The following PRNP variants were observed in gnomAD, a reference collection of about 807,000 sequenced individuals.
The protein encoded by PRNP is major prion protein.
A neutral mutation model predicts 21.3 loss-of-function variants in PRNP; 15 were observed. That is an observed-to-expected ratio of 0.71 (90% confidence interval 0.47 to 1.09). The LOEUF (loss-of-function observed/expected upper bound fraction) is 1.09. PRNP is among the 50% of genes least tolerant of loss of function. The probability of loss-of-function intolerance (pLI) is 0.00; values close to 1 mark genes in which losing one functional copy is unlikely to be tolerated. For synonymous variants in PRNP, 121 were observed against 123.1 expected (o/e 0.98, Z 0.11); for missense variants, 285 against 340.9 (o/e 0.84, Z 1.29).
At chr20:4,689,141 T>C (rs980376420) in intron 1 of PRNP, among the ~76,000 whole-genome samples, 3 of 152,226 alleles carry the variant, frequency 2.0e-5, no homozygotes, top group Admixed American at 6.5e-5. Context: ...TTTTAAGGAC[T>C]CCTGAATATT....
intron 1 of PRNP, among the ~76,000 whole-genome samples, chr20:4,690,680 TA>T (rs1921766793): frequency 6.6e-6 from 1 of 152,238 alleles, no homozygotes; most frequent in African/African-American, 2.4e-5. Context: ...CAAATTTATT[TA>T]TTTTTTCTTT....
chr20:4,687,176 G>T (rs1295392518), intron 1 of PRNP, among the ~76,000 whole-genome samples: 2 of 152,228 alleles, frequency 1.3e-5, no homozygotes, highest in African/African-American at 4.8e-5. Context: ...GCTTCTCCGA[G>T]GGGGGCTGCA....
In PRNP at chr20:4,686,544, G is replaced by C. The variant is rs1374547375; in HGVS notation, c.-11+32G>C. The C allele has an allele frequency of 4.0e-5, 6 of 151,892 alleles. No homozygotes were observed. Among genetic ancestry groups the C allele is most frequent in the Non-Finnish European group, 5.9e-5 (4 of 67,942 alleles). The allele number at this position is 151,892 out of a possible 1,614,324, so 9.4% of individuals were successfully genotyped here. On this transcript the variant is annotated intron_variant, in intron 1 of 1. Coordinates refer to ENST00000379440, the MANE Select transcript of PRNP (RefSeq NM_000311.5). The surrounding 1 kb of genome is among the most constrained non-coding windows in gnomAD (Gnocchi z 6.7). ...GCCCGGGGTGGGAGGAACGCGGGCG[G>C]GGGCAGGGGAGCCGCGGGGGCCGAG...
chr20:4,686,719 C>A lies in PRNP; in HGVS notation c.-11+207C>A, dbSNP rs1455493734. ...GCTGGTCTCCGCTCGGGTGAGGCGG[C>A]TTGGCTTCGCTTTTCAGGTTAGGAA... On this transcript the variant is annotated intron_variant, in intron 1 of 1. Transcript: ENST00000379440. The surrounding 1 kb of genome is among the most constrained non-coding windows in gnomAD (Gnocchi z 6.7). 1 of 152,228 alleles carries A rather than the reference C, an allele frequency of 6.6e-6. No individual in the cohort carries two copies. The highest frequency in any genetic ancestry group is 2.4e-5 in the African/African-American group (1 of 41,432). 9.4% of individuals were successfully genotyped at this position (152,228 alleles called of 1,614,324 possible).
chr20:4,698,898 T>C (rs1922341206), intron 1 of PRNP, among the ~76,000 whole-genome samples: 1 of 152,248 alleles, frequency 6.6e-6, no homozygotes, highest in African/African-American at 2.4e-5. Context: ...TTCTGGATGT[T>C]TGATCTGTTT....
chr20:4,693,466 GA>G (rs1921960528), intron 1 of PRNP, among the ~76,000 whole-genome samples: 1 of 151,978 alleles, frequency 6.6e-6, no homozygotes, highest in Non-Finnish European at 1.5e-5. Flanking sequence ...CTGAGCTTTT[GA>G]AAAAACATTC....
In PRNP at chr20:4,699,627, G is replaced by C. The variant is rs145555096; in HGVS notation, c.407G>C (p.Arg136Thr). Residue 136 changes from arginine (R) to threonine (T), a missense_variant, in exon 2 of 2, where the codon AGG becomes ACG. Arg to Thr is a moderately conservative substitution (Grantham distance 71). Transcript: ENST00000379440. The surrounding 1 kb of genome is among the most constrained non-coding windows in gnomAD (Gnocchi z 5.8). Reference sequence around the variant, plus strand: ...TACATGCTGGGAAGTGCCATGAGCAGGCCCATCATACATTTCGGCAGTGAC... The same window carrying C: ...TACATGCTGGGAAGTGCCATGAGCACGCCCATCATACATTTCGGCAGTGAC... ...GGYMLGSAMS[R>T]PIIHFGSDYE... is the part of the protein sequence containing the mutation. 6.2e-7 allele frequency: 1 copy of C among 1,614,124 alleles called. No homozygotes were observed.
rs1233782791 is a variant in PRNP, at chr20:4,697,241, C to G, written c.-10-1970C>G. On this transcript the variant is annotated intron_variant, in intron 1 of 1. Coordinates refer to ENST00000379440, the MANE Select transcript of PRNP (RefSeq NM_000311.5). The surrounding 1 kb of genome is among the most constrained non-coding windows in gnomAD (Gnocchi z 4.6). ...TTTGATTATTCCTTATGCTTTATAA[C>G]ATGTGTTTTCCCATTCATTCATTTA... Among the ~76,000 whole-genome samples, 2 of 152,168 alleles carry G rather than the reference C, an allele frequency of 1.3e-5. No individual in the cohort carries two copies. Among genetic ancestry groups the G allele is most frequent in the Non-Finnish European group, 2.9e-5 (2 of 68,044 alleles).
At chr20:4,689,895 A>G (rs1921713590) in intron 1 of PRNP, among the ~76,000 whole-genome samples, 1 of 152,184 alleles carries the variant, frequency 6.6e-6, no homozygotes, top group Admixed American at 6.5e-5. Context: ...AGCATTATAA[A>G]TGTTGAAGAT....
Position 4,699,797 on chromosome 20 carries a change from A to G in PRNP, c.577A>G (p.Thr193Ala), listed in dbSNP as rs747500244. Residue 193 changes from threonine (T) to alanine (A), a missense_variant, in exon 2 of 2, where the codon ACC becomes GCC. Thr to Ala is a moderately conservative substitution (Grantham distance 58). Coordinates refer to ENST00000379440, the MANE Select transcript of PRNP (RefSeq NM_000311.5). This position sits in a 1 kb window ranked among gnomAD's most constrained non-coding sequence, Gnocchi z 5.8. ...CAAGCAGCACACGGTCACCACAACC[A>G]CCAAGGGGGAGAACTTCACCGAGAC... ...TIKQHTVTTT[T>A]KGENFTETDV... is the part of the protein sequence containing the mutation. 8 of 1,613,730 alleles carry G rather than the reference A, an allele frequency of 5.0e-6. No individual in the cohort carries two copies. The South Asian group carries it at 8.8e-5, about 18-fold the overall frequency.
At position 4,699,087 on chromosome 20, in the gene PRNP, G is replaced by A. The variant is rs1195034123; in HGVS notation, c.-10-124G>A. On this transcript the variant is annotated intron_variant, in intron 1 of 1. Coordinates refer to ENST00000379440, the MANE Select transcript of PRNP (RefSeq NM_000311.5). The surrounding 1 kb of genome is among the most constrained non-coding windows in gnomAD (Gnocchi z 5.8). ...GTCCTAAGTGCTTCAGAGAAGTACA[G>A]GGTGGCAACAGTGTTTCTACTGAGC... 2 of 1,170,756 alleles carry A rather than the reference G, an allele frequency of 1.7e-6. No individual in the cohort carries two copies. Among genetic ancestry groups the A allele is most frequent in the Non-Finnish European group, 2.5e-6 (2 of 794,362 alleles). 72.5% of individuals were successfully genotyped at this position (1,170,756 alleles called of 1,614,324 possible).
rs1031401905 is a variant in PRNP at position 4,688,481 on chromosome 20, T to C, written c.-11+1969T>C. Among the ~76,000 whole-genome samples the C allele has an allele frequency of 1.8e-4, 28 of 152,308 alleles. 1 individual carries two copies. Among genetic ancestry groups the C allele is most frequent in the Middle Eastern group, 3.4e-3 (1 of 294 alleles). ...AACATTTTGTTAAGCAATCTGGTGATGCATTAAGAAGCTGGAAGCTGTGAC... is the reference window on the plus strand; with the variant it reads ...AACATTTTGTTAAGCAATCTGGTGACGCATTAAGAAGCTGGAAGCTGTGAC... On this transcript the variant is annotated intron_variant, in intron 1 of 1. Coordinates refer to ENST00000379440, the MANE Select transcript of PRNP (RefSeq NM_000311.5).
chr20:4,695,789 G>GCGCCAAAC (rs1436638969), intron 1 of PRNP, among the ~76,000 whole-genome samples: 3 of 152,124 alleles, frequency 2.0e-5, no homozygotes, highest in Non-Finnish European at 4.4e-5. Context: ...TCCTCTTCTA[G>GCGCCAAAC]CGCCAAACTT....
Position 4,700,458 on chromosome 20 carries a change from G to T in PRNP, c.*476G>T. The T allele has an allele frequency of 3.0e-6, 1 of 333,640 alleles. No homozygotes were observed. The highest frequency in any genetic ancestry group is 6.1e-6 in the Non-Finnish European group (1 of 163,184). The allele number at this position is 333,640 out of a possible 1,614,324, so 20.7% of individuals were successfully genotyped here. On this transcript the variant is annotated 3_prime_UTR_variant, in exon 2 of 2. Coordinates refer to ENST00000379440, the MANE Select transcript of PRNP (RefSeq NM_000311.5). The surrounding 1 kb of genome is among the most constrained non-coding windows in gnomAD (Gnocchi z 4.1). ...AACATTTCTGCCAGGTTTGTTAGGA[G>T]GCCACATGATACTTATTCAAAAAAA...
At chr20:4,691,470 T>G (rs1921823185) in intron 1 of PRNP, among the ~76,000 whole-genome samples, 1 of 152,236 alleles carries the variant, frequency 6.6e-6, no homozygotes, top group Non-Finnish European at 1.5e-5. Flanking sequence ...GTTTTTATCA[T>G]GAAAGAATGT....
In PRNP at chr20:4,686,929, G is replaced by T. The variant is rs1921481050; in HGVS notation, c.-11+417G>T. 6.6e-6 allele frequency among the ~76,000 whole-genome samples: 1 copy of T among 151,322 alleles called. No individual in the cohort carries two copies. The highest frequency in any genetic ancestry group is 2.1e-4 in the South Asian group (1 of 4,828). On this transcript the variant is annotated intron_variant, in intron 1 of 1. Transcript: ENST00000379440. The surrounding 1 kb of genome is among the most constrained non-coding windows in gnomAD (Gnocchi z 6.7). Reference sequence around the variant, plus strand: ...GCTCCGCAGGGCGCGGGGCGGGGAGGGGCGCCTGGGGGCCGCGGGGCTCGC... The same window carrying T: ...GCTCCGCAGGGCGCGGGGCGGGGAGTGGCGCCTGGGGGCCGCGGGGCTCGC...
intron 1 of PRNP, among the ~76,000 whole-genome samples, chr20:4,694,911 TATCCTTTTGGTTTTCTTTCTTAGGTAA>T (rs1294117150): frequency 1.3e-5 from 2 of 152,152 alleles, no homozygotes; most frequent in African/African-American, 4.8e-5. Context: ...TCTCTTTTTC[TATCCTTTTGGTTTTCTTTCTTAGGTAA>T]ATGATCAGTT....
In PRNP at chr20:4,699,867, C is replaced by A. The variant is rs1262016082; in HGVS notation, c.647C>A (p.Thr216Asn). 6.2e-7 allele frequency: 1 copy of A among 1,613,828 alleles called. No homozygotes were observed. Among genetic ancestry groups the A allele is most frequent in the South Asian group, 1.1e-5 (1 of 91,060 alleles). Residue 216 changes from threonine to asparagine, a missense_variant, in exon 2 of 2, where the codon ACC (threonine) becomes AAC (asparagine). Coordinates refer to ENST00000379440, the MANE Select transcript of PRNP (RefSeq NM_000311.5). This position sits in a 1 kb window ranked among gnomAD's most constrained non-coding sequence, Gnocchi z 5.8. ...MERVVEQMCI[T>N]QYERESQAYY... is the part of the protein sequence containing the mutation. ...CGCGTGGTTGAGCAGATGTGTATCA[C>A]CCAGTACGAGAGGGAATCTCAGGCC...
intron 1 of PRNP, among the ~76,000 whole-genome samples, chr20:4,698,430 G>A (rs142999721): frequency 3.0e-4 from 46 of 152,250 alleles, no homozygotes; most frequent in African/African-American, 1.1e-3. Flanking sequence ...GGTGATAAAG[G>A]TAAGGGGTTT....
Sources: allele counts gnomAD v4.1 joint callset (sites outside exome capture counted in the v4.1 genomes callset), GRCh38; gene constraint gnomAD v4.1.1; non-coding constraint Gnocchi (gnomAD v3.1); transcripts MANE v1.5; gene names NCBI Gene and HGNC (gene_info 2026-07-23, HGNC 2026-07-21).